The following ITGB2 variants were observed in gnomAD, a reference collection of about 807,000 sequenced individuals.
ITGB2 encodes integrin beta-2.
Under a neutral mutation model 86.8 loss-of-function variants are expected in ITGB2, and 56 were observed. That is an observed-to-expected ratio of 0.65 (90% CI 0.52 to 0.81). The LOEUF is 0.81. Ranked by LOEUF, ITGB2 falls within the 30% of genes least tolerant of loss-of-function variation. The pLI, the probability that ITGB2 is intolerant of heterozygous loss-of-function variation, is 0.00. For synonymous variants in ITGB2, 457 were observed against 450.4 expected (o/e 1.01, Z -0.19); for missense variants, 948 against 1,061.2 (o/e 0.89, Z 1.48).
At position 44,919,399 on chromosome 21, in the gene ITGB2, A is replaced by T. The variant is rs148610992; in HGVS notation, c.-4+1422T>A. Among the ~76,000 whole-genome samples, 515 of 152,266 alleles carry T rather than the reference A, an allele frequency of 3.4e-3. 3 individuals carry two copies. Among genetic ancestry groups the T allele is most frequent in the African/African-American group, 0.012 (492 of 41,542 alleles). The stretch of plus-strand genomic sequence containing the variant: ...GGATTCTGCTGTGAGCTGGATGGGG[A>T]AGGAGTTCCTTCCTAAAATGTGGAG... On this transcript the variant is annotated intron_variant, in intron 1 of 15. Transcript: ENST00000652462.
At chr21:44,895,099 C>G (rs1288701202) in intron 8 of ITGB2, 39 bp from the exon 9 acceptor site, 3 of 1,480,220 alleles carry the variant, frequency 2.0e-6, no homozygotes, top group Non-Finnish European at 2.8e-6. Flanking sequence ...CGGCTAGGAC[C>G]TGTGCCACGG....
intron 1 of ITGB2, chr21:44,911,103 T>C (rs1297742612): frequency 1.5e-5 from 7 of 477,112 alleles, no homozygotes; most frequent in Non-Finnish European, 2.7e-5. Context: ...CACATGCACG[T>C]GTACGTGCAT....
At chr21:44,895,139 G>A in intron 8 of ITGB2, 79 bp from the exon 9 acceptor site, 1 of 1,059,862 alleles carries the variant, frequency 9.4e-7, no homozygotes, top group Non-Finnish European at 1.5e-6. Flanking sequence ...CACCCCAGGG[G>A]CTTCTGCACC....
chr21:44,901,919 G>A (rs2083965704), intron 5 of ITGB2, 186 bp from the exon 6 acceptor site: 1 of 650,362 alleles, frequency 1.5e-6, no homozygotes, highest in East Asian at 2.8e-5. Context: ...GAACGTATGT[G>A]GGCGTGTGTG....
At chr21:44,922,532 G>A (rs538283882), upstream of ITGB2, among the ~76,000 whole-genome samples, 1 of 151,938 alleles carries the variant, frequency 6.6e-6, no homozygotes, top group East Asian at 1.9e-4. Flanking sequence ...GAATTCGCCA[G>A]GCATGGTAGC....
chr21:44,900,267 C>T (rs1165279301), intron 7 of ITGB2, 53 bp downstream of exon 7: 3 of 1,610,700 alleles, frequency 1.9e-6, no homozygotes, highest in South Asian at 1.1e-5. Flanking sequence ...CTTGTCTCCT[C>T]CGTCAGTGGT....
chr21:44,901,418 G>A (rs2083955598), intron 6 of ITGB2, 74 bp downstream of exon 6: 3 of 1,558,250 alleles, frequency 1.9e-6, no homozygotes, highest in Admixed American at 3.7e-5. Context: ...GTACCCCCCT[G>A]CCCCCACACA....
At chr21:44,898,773 G>C (rs2083904321) in intron 8 of ITGB2, among the ~76,000 whole-genome samples, 1 of 152,350 alleles carries the variant, frequency 6.6e-6, no homozygotes, top group African/African-American at 2.4e-5. Context: ...ATAAAATAAA[G>C]AATTGTGTTG....
chr21:44,900,498 AG>A, intron 6 of ITGB2, 23 bp from the exon 7 acceptor site: 1 of 1,612,634 alleles, frequency 6.2e-7, no homozygotes, highest in Non-Finnish European at 8.5e-7. Context: ...CGTGGGGGGC[AG>A]GGTTACCTGC....
chr21:44,897,805 C>G (rs530794061), intron 8 of ITGB2, among the ~76,000 whole-genome samples: 1 of 152,348 alleles, frequency 6.6e-6, no homozygotes, highest in South Asian at 2.1e-4. Context: ...ACAACCACCT[C>G]CTTCCTCCAG....
chr21:44,903,897 C>T (rs1391184723), intron 4 of ITGB2, among the ~76,000 whole-genome samples: 1 of 152,134 alleles, frequency 6.6e-6, no homozygotes, highest in East Asian at 1.9e-4. Flanking sequence ...GTCCCACGGG[C>T]GCCCTCATCA....
intron 8 of ITGB2, among the ~76,000 whole-genome samples, chr21:44,895,476 G>C (rs2083851305): frequency 6.6e-6 from 1 of 152,198 alleles, no homozygotes; most frequent in Non-Finnish European, 1.5e-5. Flanking sequence ...GTTGCAGTGA[G>C]CTGAGATCGC....
At chr21:44,916,871 G>GA (rs11404188) in intron 1 of ITGB2, among the ~76,000 whole-genome samples, 8,555 of 68,868 alleles carry the variant, frequency 0.12, 772 homozygotes, top group African/African-American at 0.31. Context: ...TGTCTCAAAA[G>GA]AAAAAAAAAA....
At chr21:44,913,977 G>A (rs2084167737) in intron 1 of ITGB2, among the ~76,000 whole-genome samples, 1 of 152,136 alleles carries the variant, frequency 6.6e-6, no homozygotes, top group African/African-American at 2.4e-5. Flanking sequence ...AGGAGGGGAG[G>A]AAGAGCACAG....
intron 13 of ITGB2, 89 bp from the exon 14 acceptor site, chr21:44,888,984 G>T (rs772150951): frequency 8.9e-6 from 11 of 1,231,884 alleles, no homozygotes; most frequent in Non-Finnish European, 1.3e-5. Flanking sequence ...TCCACCAGGG[G>T]GGGCAGGTGG....
chr21:44,886,921 A>G lies in ITGB2; in HGVS notation c.2081-19T>C. 1 of 1,610,752 alleles carries G rather than the reference A, an allele frequency of 6.2e-7. No homozygotes were observed. The highest frequency in any genetic ancestry group is 8.5e-7 in the Non-Finnish European group (1 of 1,179,926). The stretch of plus-strand genomic sequence containing the variant: ...ACACACTCTAGGGAAGAAGCAGCAC[A>G]CCTGAGCGTCAGTCCAGCCCCATCT... On this transcript the variant is annotated intron_variant, in intron 14 of 15. Transcript: ENST00000652462.
intron 6 of ITGB2, 115 bp from the exon 7 acceptor site, chr21:44,900,590 C>A: frequency 7.8e-7 from 1 of 1,287,320 alleles, no homozygotes; most frequent in African/African-American, 1.5e-5. Flanking sequence ...GGTGTGGGTC[C>A]CCCTTTCCCC....
intron 4 of ITGB2, among the ~76,000 whole-genome samples, chr21:44,904,658 A>ACACACATACACACACCC (rs2084016143): frequency 6.6e-6 from 1 of 151,478 alleles, no homozygotes; most frequent in African/African-American, 2.4e-5. Context: ...TACACACACC[A>ACACACATACACACACCC]AACACACACA....
At chr21:44,905,928 C>T (rs556998663) in intron 4 of ITGB2, among the ~76,000 whole-genome samples, 3 of 152,270 alleles carry the variant, frequency 2.0e-5, no homozygotes, top group Admixed American at 2.0e-4. Flanking sequence ...GCTCTGAGCC[C>T]CAGCCTGTCC....
Sources: allele counts gnomAD v4.1 joint callset (sites outside exome capture counted in the v4.1 genomes callset), GRCh38; gene constraint gnomAD v4.1.1; transcripts MANE v1.5; gene names NCBI Gene and HGNC (gene_info 2026-07-23, HGNC 2026-07-21).